The following ZC3H12B variants were observed in gnomAD, a reference collection of about 807,000 sequenced individuals.
The protein encoded by ZC3H12B is probable ribonuclease ZC3H12B.
ZC3H12B carries 7 observed loss-of-function variants against 43.9 expected under a neutral mutation model. That is an observed-to-expected ratio of 0.16 (90% CI 0.09 to 0.30). The LOEUF is 0.30. Ranked by LOEUF, ZC3H12B falls within the 10% of genes least tolerant of loss-of-function variation. The pLI is 1.00. For missense variants in ZC3H12B, 475 were observed against 670.2 expected (o/e 0.71, Z 3.22); for synonymous variants, 222 against 241.7 (o/e 0.92, Z 0.76).
chrX:65,139,098 A>C, the ZC3H12B span, among the ~76,000 whole-genome samples: 1 of 112,290 alleles, frequency 8.9e-6, no homozygotes, highest in Non-Finnish European at 1.9e-5. Context: ...AGTTTGACAT[A>C]GTTTCATTTG....
At chrX:65,304,607 C>T in the ZC3H12B span, among the ~76,000 whole-genome samples, 1 of 95,584 alleles carries the variant, frequency 1.0e-5, no homozygotes, top group Non-Finnish European at 2.0e-5. Context: ...CAGAGCGACA[C>T]TCCGTCTCAA....
At chrX:65,324,423 T>C in the ZC3H12B span, among the ~76,000 whole-genome samples, 1 of 111,690 alleles carries the variant, frequency 9.0e-6, no homozygotes, top group Non-Finnish European at 1.9e-5. Context: ...ACCTTTCTTT[T>C]TTCATGTGAG....
the ZC3H12B span, among the ~76,000 whole-genome samples, chrX:65,329,888 G>A: frequency 9.0e-6 from 1 of 111,070 alleles, no homozygotes; most frequent in Non-Finnish European, 1.9e-5. Context: ...TGAGGGCTCT[G>A]TTCTGTTCCA....
chrX:65,299,443 G>T, the ZC3H12B span, among the ~76,000 whole-genome samples: 2 of 111,706 alleles, frequency 1.8e-5, no homozygotes, highest in Non-Finnish European at 3.8e-5. Context: ...AGCACAAGTG[G>T]TATTTATTCC....
the ZC3H12B span, among the ~76,000 whole-genome samples, chrX:65,050,234 C>G: frequency 9.0e-6 from 1 of 111,075 alleles, no homozygotes; most frequent in Non-Finnish European, 1.9e-5. Context: ...GGAAGTGCAA[C>G]TGCTTTTTAT....
intron 2 of ZC3H12B, among the ~76,000 whole-genome samples, chrX:65,388,725 T>G (rs1193194358): frequency 8.9e-6 from 1 of 111,845 alleles, no homozygotes; most frequent in Non-Finnish European, 1.9e-5. Context: ...GCTCTGATTT[T>G]TAGAGTTTCC....
At chrX:65,317,717 T>G in the ZC3H12B span, among the ~76,000 whole-genome samples, 2 of 106,095 alleles carry the variant, frequency 1.9e-5, no homozygotes, top group Non-Finnish European at 3.9e-5. Flanking sequence ...TTTCATTCCT[T>G]TTTTATAGTT....
the ZC3H12B span, among the ~76,000 whole-genome samples, chrX:65,259,400 A>G: frequency 8.9e-6 from 1 of 112,272 alleles, no homozygotes; most frequent in South Asian, 3.7e-4. Flanking sequence ...TACACCTTAT[A>G]TGAAAATCAA....
In ZC3H12B at chrX:65,373,960, CTG is replaced by C. The variant is rs1569379722; in HGVS notation, n.295+4964_295+4965del. On this transcript the variant is annotated intron_variant and non_coding_transcript_variant, in intron 2 of 5. Transcript: ENST00000617377. ...ATATATATATAGTTATATATATATA[CTG>C]TATATATAGTATATATATATACTAT... 1.3e-3 allele frequency among the ~76,000 whole-genome samples: 61 copies of C among 45,581 alleles called. 2 individuals carry two copies. The highest frequency in any genetic ancestry group is 0.013 in the African/African-American group (60 of 4,780). The allele number at this position is 45,581 out of a possible 115,157, so 39.6% of individuals were successfully genotyped here. A position where few individuals can be genotyped will look rare whatever the true frequency, so the allele number is the denominator to read the frequency against.
chrX:65,152,657 G>A, the ZC3H12B span, among the ~76,000 whole-genome samples: 29 of 111,023 alleles, frequency 2.6e-4, no homozygotes, highest in Admixed American at 8.7e-4. Context: ...TGGCCATACC[G>A]CTCAAGGTAA....
chrX:65,171,803 C>G, the ZC3H12B span, among the ~76,000 whole-genome samples: 1 of 111,416 alleles, frequency 9.0e-6, no homozygotes, highest in Non-Finnish European at 1.9e-5. Context: ...GCTGTGCTAG[C>G]AACGAGTGAG....
chrX:65,372,974 G>T (rs2066268455), intron 2 of ZC3H12B, among the ~76,000 whole-genome samples: 1 of 112,105 alleles, frequency 8.9e-6, no homozygotes. Context: ...ATTCAAGCTG[G>T]ACATTAATCA....
chrX:65,053,358 T>C, the ZC3H12B span, among the ~76,000 whole-genome samples: 1 of 110,533 alleles, frequency 9.0e-6, no homozygotes. Context: ...ACATGCGGTG[T>C]TTGGTTTTTT....
In ZC3H12B at chrX:65,462,408, A is replaced by T. The variant is rs963731265; in HGVS notation, n.408-26238A>T. Reference sequence around the variant, plus strand: ...GCGCCTGTGATCCTAGCTACTCGGGAGGCTGAGGCACGAGAATTGCTTAAA... The same window carrying T: ...GCGCCTGTGATCCTAGCTACTCGGGTGGCTGAGGCACGAGAATTGCTTAAA... On this transcript the variant is annotated intron_variant and non_coding_transcript_variant, in intron 3 of 5. Transcript: ENST00000617377. Among the ~76,000 whole-genome samples the T allele has an allele frequency of 3.6e-5, 4 of 111,213 alleles. No homozygotes were observed. In the East Asian group the frequency reaches 1.1e-3, roughly 31 times the overall value.
At chrX:65,054,030 T>C in the ZC3H12B span, among the ~76,000 whole-genome samples, 1 of 112,577 alleles carries the variant, frequency 8.9e-6, no homozygotes, top group African/African-American at 3.2e-5. Context: ...ATGAGTAGAT[T>C]GCAAAAATTT....
At chrX:65,106,274 A>G in the ZC3H12B span, among the ~76,000 whole-genome samples, 1 of 112,114 alleles carries the variant, frequency 8.9e-6, no homozygotes, top group East Asian at 2.8e-4. Context: ...AGATGAGTAG[A>G]TAAATTGGCA....
chrX:65,414,635 G>T (rs978373108), intron 3 of ZC3H12B, among the ~76,000 whole-genome samples: 1 of 111,271 alleles, frequency 9.0e-6, no homozygotes, highest in Non-Finnish European at 1.9e-5. Flanking sequence ...AATAAACTTT[G>T]GATGCCTGTC....
At chrX:65,399,241 A>G (rs1027216013) in intron 3 of ZC3H12B, among the ~76,000 whole-genome samples, 1 of 112,547 alleles carries the variant, frequency 8.9e-6, no homozygotes, top group African/African-American at 3.2e-5. Flanking sequence ...TGCACAGACA[A>G]CCTACAGAAT....
chrX:65,186,231 A>G, the ZC3H12B span: 2 of 111,025 alleles, frequency 1.8e-5, no homozygotes, highest in South Asian at 3.8e-4. Context: ...AGTGGCTCAC[A>G]CCTGTAATCC....
Sources: gnomAD v4.1 joint callset for allele counts (sites outside exome capture counted in the v4.1 genomes callset) on GRCh38, gnomAD v4.1.1 for gene constraint, MANE v1.5 for transcripts, NCBI Gene and HGNC (gene_info 2026-07-23, HGNC 2026-07-21) for gene names.